The following IMMP2L variants were observed in gnomAD, a reference collection of about 807,000 sequenced individuals.
IMMP2L encodes mitochondrial inner membrane protease subunit 2.
Under a neutral mutation model 19.3 loss-of-function variants are expected in IMMP2L, and 18 were observed. That is an observed-to-expected ratio of 0.93 (90% confidence interval 0.64 to 1.38). IMMP2L has a LOEUF of 1.38. IMMP2L is among the 40% of genes most tolerant of loss of function. The probability of loss-of-function intolerance (pLI) is 0.00; values close to 1 mark genes in which losing one functional copy is unlikely to be tolerated. For missense variants in IMMP2L, 233 were observed against 218.2 expected (o/e 1.07, Z -0.43); for synonymous variants, 76 against 73.0 (o/e 1.04, Z -0.21).
intron 3 of IMMP2L, among the ~76,000 whole-genome samples, chr7:111,120,799 C>T (rs1372709288): frequency 6.6e-6 from 1 of 152,082 alleles, no homozygotes; most frequent in Non-Finnish European, 1.5e-5. Flanking sequence ...ACCACTACAT[C>T]TAGCTTACTT....
chr7:111,124,418 A>C (rs752827777), intron 3 of IMMP2L: 17 of 1,613,788 alleles, frequency 1.1e-5, no homozygotes, highest in Non-Finnish European at 1.4e-5. Context: ...AAAATTCTCA[A>C]ATCTAGTGTT....
chr7:111,283,746 C>A (rs1424849084), intron 3 of IMMP2L, among the ~76,000 whole-genome samples: 3 of 151,654 alleles, frequency 2.0e-5, no homozygotes, highest in Admixed American at 6.6e-5. Flanking sequence ...CCGAGGCGGG[C>A]GGATCACGAG....
Position 111,443,833 on chromosome 7 carries a change from G to A in IMMP2L, c.239+43405C>T, listed in dbSNP as rs181775871. On this transcript the variant is annotated intron_variant, in intron 3 of 5. Coordinates refer to ENST00000405709, the MANE Select transcript of IMMP2L (RefSeq NM_032549.4). ...TTTTTTCTCTACAGCCACAGTGAAA[G>A]GGGTGGAAAGTTAAAAAAGAAGGAA... 2.2e-4 allele frequency among the ~76,000 whole-genome samples: 33 copies of A among 152,088 alleles called. 1 individual carries two copies. In the East Asian group the frequency reaches 5.8e-3, roughly 27 times the overall value.
At chr7:110,667,565 A>G (rs1791549070) in intron 5 of IMMP2L, among the ~76,000 whole-genome samples, 1 of 152,214 alleles carries the variant, frequency 6.6e-6, no homozygotes. Context: ...GAAGGGTCAG[A>G]TTCAAAGAGA....
chr7:111,348,287 T>TA (rs529409303), intron 3 of IMMP2L, among the ~76,000 whole-genome samples: 109 of 151,038 alleles, frequency 7.2e-4, no homozygotes, highest in African/African-American at 1.5e-3. Flanking sequence ...TAAAGTATAA[T>TA]AAAAAAAAAG....
intron 5 of IMMP2L, among the ~76,000 whole-genome samples, chr7:110,710,949 T>C (rs1794872527): frequency 4.4e-5 from 1 of 22,544 alleles, no homozygotes; most frequent in Non-Finnish European, 8.0e-5. Flanking sequence ...CTGATGGGTC[T>C]TGACTCTTTA....
rs575771592 is a variant in IMMP2L, at chr7:110,826,916, A to T, written c.408+59677T>A. On this transcript the variant is annotated intron_variant, in intron 5 of 5. Coordinates refer to ENST00000405709, the MANE Select transcript of IMMP2L (RefSeq NM_032549.4). ...TACTCCTTCATCAAAGGCATTCTTA[A>T]GTGAAACTGGTATGTATTTTTTCTC... Among the ~76,000 whole-genome samples, 78 of 152,196 alleles carry T rather than the reference A, an allele frequency of 5.1e-4. 1 individual carries two copies. Among genetic ancestry groups the T allele is most frequent in the African/African-American group, 1.7e-3 (70 of 41,554 alleles).
At chr7:111,382,912 C>T (rs1831345133) in intron 3 of IMMP2L, among the ~76,000 whole-genome samples, 1 of 152,044 alleles carries the variant, frequency 6.6e-6, no homozygotes, top group South Asian at 2.1e-4. Flanking sequence ...AATGTGGTTC[C>T]ATACTTCCAA....
chr7:111,125,295 G>A (rs1363684025), intron 3 of IMMP2L: 1 of 173,050 alleles, frequency 5.8e-6, no homozygotes, highest in Non-Finnish European at 1.4e-5. Flanking sequence ...GCAGTGACCA[G>A]ATAAACTTGA....
At chr7:111,497,026 T>C (rs1843660385) in intron 2 of IMMP2L, among the ~76,000 whole-genome samples, 1 of 152,162 alleles carries the variant, frequency 6.6e-6, no homozygotes, top group South Asian at 2.1e-4. Flanking sequence ...CCTGTAAAAC[T>C]ACATTAATAA....
At chr7:110,735,716 A>G (rs973181578) in intron 5 of IMMP2L, among the ~76,000 whole-genome samples, 1 of 146,118 alleles carries the variant, frequency 6.8e-6, no homozygotes, top group Non-Finnish European at 1.5e-5. Flanking sequence ...ACACACACAC[A>G]CACACGAAAA....
intron 5 of IMMP2L, among the ~76,000 whole-genome samples, chr7:110,822,992 T>C (rs1288831111): frequency 6.6e-6 from 1 of 152,038 alleles, no homozygotes; most frequent in Non-Finnish European, 1.5e-5. Context: ...AATGAGGCCG[T>C]GTGTTGTTTG....
At chr7:111,341,346 G>GAGGGAA (rs1489185019) in intron 3 of IMMP2L, among the ~76,000 whole-genome samples, 1 of 151,938 alleles carries the variant, frequency 6.6e-6, no homozygotes, top group Non-Finnish European at 1.5e-5. Context: ...CATTCTAATG[G>GAGGGAA]AGGGAAACAG....
intron 3 of IMMP2L, among the ~76,000 whole-genome samples, chr7:111,465,263 G>A (rs1384656335): frequency 6.6e-6 from 1 of 151,824 alleles, no homozygotes; most frequent in Non-Finnish European, 1.5e-5. Flanking sequence ...TCTGCTCTCA[G>A]TCAAGATTCT....
chr7:111,051,229 G>C (rs888104081), intron 3 of IMMP2L, among the ~76,000 whole-genome samples: 1 of 152,144 alleles, frequency 6.6e-6, no homozygotes, highest in African/African-American at 2.4e-5. Flanking sequence ...GGAGACTAGT[G>C]TATGACTGTT....
intron 3 of IMMP2L, among the ~76,000 whole-genome samples, chr7:111,153,397 T>G (rs1469319862): frequency 6.6e-6 from 1 of 152,090 alleles, no homozygotes; most frequent in Non-Finnish European, 1.5e-5. Flanking sequence ...TACAACATAA[T>G]CAGTAAATAG....
chr7:110,712,964 C>A (rs948025141), intron 5 of IMMP2L, among the ~76,000 whole-genome samples: 1 of 151,526 alleles, frequency 6.6e-6, no homozygotes, highest in South Asian at 2.1e-4. Context: ...AGAAATCACC[C>A]GTCTTCTGCG....
intron 3 of IMMP2L, among the ~76,000 whole-genome samples, chr7:111,481,546 C>T (rs1027601490): frequency 1.3e-5 from 2 of 151,798 alleles, no homozygotes; most frequent in Admixed American, 6.6e-5. Flanking sequence ...GAACTCCTAA[C>T]CCAGTGGCTA....
intron 3 of IMMP2L, among the ~76,000 whole-genome samples, chr7:111,053,311 G>T (rs1465186289): frequency 1.3e-5 from 2 of 152,160 alleles, no homozygotes; most frequent in Non-Finnish European, 1.5e-5. Flanking sequence ...GCAGTGACCT[G>T]CTAGCGCTTG....
Sources: gnomAD v4.1 joint callset for allele counts (sites outside exome capture counted in the v4.1 genomes callset) on GRCh38, gnomAD v4.1.1 for gene constraint, MANE v1.5 for transcripts, NCBI Gene and HGNC (gene_info 2026-07-23, HGNC 2026-07-21) for gene names.